Variants in ADGRG7 observed in about 807,000 individuals in gnomAD.
ADGRG7 encodes G-protein coupled receptor 128.
A neutral mutation model predicts 88.6 loss-of-function variants in ADGRG7; 82 were observed. The observed-to-expected ratio is 0.93, with a 90% CI of 0.77 to 1.11. The LOEUF is 1.11. Ranked by LOEUF, ADGRG7 falls within the 50% of genes most tolerant of loss-of-function variation. The pLI, the probability that ADGRG7 is intolerant of heterozygous loss-of-function variation, is 0.00. For synonymous variants in ADGRG7, 381 were observed against 345.2 expected, an observed-to-expected ratio of 1.10 and a Z score of -1.15; for missense variants, 945 against 953.4, an observed-to-expected ratio of 0.99 and a Z score of 0.12.
chr3:100,674,734 C>T (rs985941242), intron 15 of ADGRG7, among the ~76,000 whole-genome samples: 34 of 151,990 alleles, frequency 2.2e-4, no homozygotes, highest in Admixed American at 9.2e-4. Flanking sequence ...TGTGCCACCA[C>T]CCCTAGCTAA....
chr3:100,628,576 G>A (rs1033542253), intron 1 of ADGRG7, among the ~76,000 whole-genome samples: 1 of 151,966 alleles, frequency 6.6e-6, no homozygotes, highest in African/African-American at 2.4e-5. Flanking sequence ...GGCTGGTCTC[G>A]AACTCCTGAC....
Position 100,656,926 on chromosome 3 carries a change from A to C in ADGRG7, c.1823+931A>C, listed in dbSNP as rs578105256. Among the ~76,000 whole-genome samples, 5 of 152,342 alleles carry C rather than the reference A, an allele frequency of 3.3e-5. No individual in the cohort carries two copies. The South Asian group carries it at 1.0e-3, about 32-fold the overall frequency. On this transcript the variant is annotated intron_variant, in intron 13 of 15. Transcript: ENST00000273352. Reference sequence around the variant, plus strand: ...TAGGTTTTAAAATTTTAATGCCACCAGTAGAAATATCTAATTAGAGATACC... The same window carrying C: ...TAGGTTTTAAAATTTTAATGCCACCCGTAGAAATATCTAATTAGAGATACC...
chr3:100,659,678 TCCTCCACAGC>T lies in ADGRG7; in HGVS notation c.1824-9_1824del. ...TAGTCTGCTGAAGCAATTTTTTTTTTCCTCCACAGCTGCTGGCTGGCAATTCCAGAACCCA... is the reference window on the plus strand; with the variant it reads ...TAGTCTGCTGAAGCAATTTTTTTTTTTGCTGGCTGGCAATTCCAGAACCCA... On this transcript the variant is annotated splice_acceptor_variant and splice_polypyrimidine_tract_variant and coding_sequence_variant and intron_variant, in exon 14 of 16. Transcript: ENST00000273352. LOFTEE classifies it high-confidence loss of function. 1.2e-6 allele frequency: 2 copies of T among 1,611,126 alleles called. No homozygotes were observed. The highest frequency in any genetic ancestry group is 8.5e-7 in the Non-Finnish European group (1 of 1,179,014).
At position 100,656,001 on chromosome 3, in the gene ADGRG7, T is replaced by A; in HGVS notation, c.1823+6T>A. On this transcript the variant is annotated splice_donor_region_variant and intron_variant, in intron 13 of 15. Coordinates refer to ENST00000273352, the MANE Select transcript of ADGRG7 (RefSeq NM_032787.3). ...GACTACCGGCAAGAGAAAATGTGAGTTTATATTTTTTTAAATGTCCAATTG... is the reference window on the plus strand; with the variant it reads ...GACTACCGGCAAGAGAAAATGTGAGATTATATTTTTTTAAATGTCCAATTG... 6.5e-7 allele frequency: 1 copy of A among 1,547,116 alleles called. No homozygotes were observed. Among genetic ancestry groups the A allele is most frequent in the Non-Finnish European group, 8.9e-7 (1 of 1,119,564 alleles).
intron 1 of ADGRG7, among the ~76,000 whole-genome samples, chr3:100,628,269 T>A (rs1165250): frequency 0.25 from 38,486 of 151,886 alleles, 5,670 homozygotes; most frequent in Non-Finnish European, 0.34. Context: ...GTTTTTTTTT[T>A]AAAAACGTTT....
intron 14 of ADGRG7, chr3:100,665,344 C>T (rs1298849356): frequency 7.2e-5 from 39 of 540,658 alleles, no homozygotes; most frequent in South Asian, 5.2e-4. Context: ...AGCTCCTCAT[C>T]CAGTACCACC....
Position 100,609,742 on chromosome 3 carries a change from GA to G in ADGRG7, c.-114del. 1 of 694,758 alleles carries G rather than the reference GA, an allele frequency of 1.4e-6. No individual in the cohort carries two copies. Among genetic ancestry groups the G allele is most frequent in the South Asian group, 1.7e-5 (1 of 58,594 alleles). 43.0% of individuals were successfully genotyped at this position (694,758 alleles called of 1,614,324 possible). ...AAAGACATCCATCTGACAGATCACT[GA>G]GGGGAGGACTTGTTTTTCTGTTTTA... On this transcript the variant is annotated 5_prime_UTR_variant, in exon 1 of 16. The change abolishes the stop of an existing upstream ORF in the 5' untranslated region. Transcript: ENST00000273352.
intron 1 of ADGRG7, among the ~76,000 whole-genome samples, chr3:100,619,529 C>G (rs1453974299): frequency 6.6e-6 from 1 of 151,890 alleles, no homozygotes; most frequent in Non-Finnish European, 1.5e-5. Context: ...CATTCAAAAG[C>G]TAGCAGAAGG....
intron 2 of ADGRG7, among the ~76,000 whole-genome samples, chr3:100,630,343 C>T (rs76821228): frequency 0.015 from 2,261 of 152,248 alleles, 60 homozygotes; most frequent in African/African-American, 0.051. Flanking sequence ...CCACAGATCC[C>T]ATGAATTTGC....
At chr3:100,633,641 C>G (rs1182163931) in intron 4 of ADGRG7, among the ~76,000 whole-genome samples, 1 of 152,150 alleles carries the variant, frequency 6.6e-6, no homozygotes, top group Non-Finnish European at 1.5e-5. Context: ...CCTCCTGCAT[C>G]AGCCTCCTGA....
Position 100,692,738 on chromosome 3 carries a change from G to C in ADGRG7, c.2137-2006G>C, listed in dbSNP as rs142713885. 6.2e-4 allele frequency among the ~76,000 whole-genome samples: 94 copies of C among 152,224 alleles called. 1 individual carries two copies. In the East Asian group the frequency reaches 0.016, roughly 25 times the overall value. On this transcript the variant is annotated intron_variant, in intron 15 of 15. Transcript: ENST00000273352. ...AATGGAGTAGTGGGGCAATATGTGT[G>C]TTAAAATCAACACAGTGTTTTGTAA...
intron 15 of ADGRG7, among the ~76,000 whole-genome samples, chr3:100,689,493 G>C (rs1490652078): frequency 1.3e-5 from 2 of 152,180 alleles, no homozygotes; most frequent in Non-Finnish European, 2.9e-5. Context: ...AATTTGGCAT[G>C]TTTTTGCAGT....
At chr3:100,691,303 T>TGTGCTTCCCGGGTGAGGCAATGCCTCGCC (rs2094993350) in intron 15 of ADGRG7, among the ~76,000 whole-genome samples, 1 of 152,182 alleles carries the variant, frequency 6.6e-6, no homozygotes, top group South Asian at 2.1e-4. Flanking sequence ...CCTGACCCCT[T>TGTGCTTCCCGGGTGAGGCAATGCCTCGCC]GTGCTTCCCG....
intron 14 of ADGRG7, among the ~76,000 whole-genome samples, chr3:100,667,799 TA>T (rs1201960878): frequency 1.3e-5 from 2 of 151,508 alleles, no homozygotes; most frequent in African/African-American, 4.9e-5. Context: ...ACCAACAGTG[TA>T]AAAGTGTTTC....
chr3:100,621,824 G>A (rs751056843), intron 1 of ADGRG7, among the ~76,000 whole-genome samples: 1 of 152,152 alleles, frequency 6.6e-6, no homozygotes, highest in Non-Finnish European at 1.5e-5. Context: ...AGCTAGAGAG[G>A]AGAAGTCAAC....
chr3:100,621,264 G>C (rs888518096), intron 1 of ADGRG7, among the ~76,000 whole-genome samples: 1 of 152,052 alleles, frequency 6.6e-6, no homozygotes, highest in Non-Finnish European at 1.5e-5. Context: ...CTCTCACTTG[G>C]AATCAAAAGC....
chr3:100,659,439 C>CAAAA (rs373835556), intron 13 of ADGRG7, among the ~76,000 whole-genome samples: 33 of 80,878 alleles, frequency 4.1e-4, no homozygotes, highest in Middle Eastern at 9.1e-3. Flanking sequence ...GACTCAGTCT[C>CAAAA]AAAAAAAAAA....
intron 15 of ADGRG7, among the ~76,000 whole-genome samples, chr3:100,690,552 G>C (rs1242065912): frequency 3.9e-5 from 6 of 152,034 alleles, no homozygotes; most frequent in Non-Finnish European, 2.9e-5. Flanking sequence ...TTTTGGTGTG[G>C]ATGTCCTTTC....
At chr3:100,668,014 A>G (rs1445163098) in intron 14 of ADGRG7, among the ~76,000 whole-genome samples, 1 of 152,160 alleles carries the variant, frequency 6.6e-6, no homozygotes. Flanking sequence ...TGGGACCCTC[A>G]CAGCTTTCCT....
Sources: gnomAD v4.1 joint callset for allele counts (sites outside exome capture counted in the v4.1 genomes callset) on GRCh38, gnomAD v4.1.1 for gene constraint, MANE v1.5 for transcripts, NCBI Gene and HGNC (gene_info 2026-07-23, HGNC 2026-07-21) for gene names.